TMCC1: variants seen among roughly 807,000 people sequenced by gnomAD.
The protein encoded by TMCC1 is transmembrane and coiled-coil domains protein 1.
Under a neutral mutation model 52.4 loss-of-function variants are expected in TMCC1, and 15 were observed. The ratio of observed to expected loss-of-function variants is 0.29; its 90% CI spans 0.19 to 0.44. The LOEUF (loss-of-function observed/expected upper bound fraction) is 0.44. Ranked by LOEUF, TMCC1 falls within the 20% of genes least tolerant of loss-of-function variation. The pLI is 1.00. For missense variants in TMCC1, 503 were observed against 806.0 expected (o/e 0.62, Z 4.55); for synonymous variants, 279 against 301.9 (o/e 0.92, Z 0.79).
At chr3:129,695,735 T>C (rs1424598436) in intron 4 of TMCC1, among the ~76,000 whole-genome samples, 2 of 152,210 alleles carry the variant, frequency 1.3e-5, no homozygotes, top group African/African-American at 2.4e-5. Context: ...AGCCAAATCA[T>C]ATCATTCTGC....
At chr3:129,814,860 A>G (rs1352054594) in intron 4 of TMCC1, among the ~76,000 whole-genome samples, 4 of 152,190 alleles carry the variant, frequency 2.6e-5, no homozygotes, top group Non-Finnish European at 5.9e-5. Flanking sequence ...TGTAACAATT[A>G]TAAGTATCTA....
At chr3:129,690,688 G>A (rs959465021) in intron 4 of TMCC1, among the ~76,000 whole-genome samples, 1 of 152,164 alleles carries the variant, frequency 6.6e-6, no homozygotes, top group Admixed American at 6.5e-5. Flanking sequence ...TGAAGCATAT[G>A]TTGAGACATG....
At chr3:129,753,701 A>T (rs1352231636) in intron 4 of TMCC1, among the ~76,000 whole-genome samples, 1 of 152,212 alleles carries the variant, frequency 6.6e-6, no homozygotes, top group Non-Finnish European at 1.5e-5. Context: ...ACTTCCTTAA[A>T]CTAACGAAGG....
At chr3:129,804,005 A>G (rs902339602) in intron 4 of TMCC1, among the ~76,000 whole-genome samples, 1 of 152,184 alleles carries the variant, frequency 6.6e-6, no homozygotes, top group African/African-American at 2.4e-5. Flanking sequence ...TGCAATGCCC[A>G]GAGCACGTTG....
rs150255907 is a variant in TMCC1 at position 129,764,733 on chromosome 3, T to TTGTGTGTGTGTG, written c.576+63058_576+63069dup. Among the ~76,000 whole-genome samples the TTGTGTGTGTGTG allele has an allele frequency of 1.0e-4, 6 of 58,068 alleles. 1 individual carries two copies. The highest frequency in any genetic ancestry group is 3.2e-4 in the Admixed American group (1 of 3,146). 38.1% of individuals were successfully genotyped at this position (58,068 alleles called of 152,430 possible). A position where few individuals can be genotyped will look rare whatever the true frequency, so the allele number is the denominator to read the frequency against. Reference sequence around the variant, plus strand: ...AATGGTTAAGCTACATCCTATAATATTGTGTGTGTGTGTGTGTGTGTGTGT... The same window carrying TTGTGTGTGTGTG: ...AATGGTTAAGCTACATCCTATAATATTGTGTGTGTGTGTGTGTGTGTGTGTGTGTGTGTGTGT... On this transcript the variant is annotated intron_variant, in intron 4 of 6. Transcript: ENST00000393238.
At chr3:129,744,111 A>C (rs1704339661) in intron 4 of TMCC1, among the ~76,000 whole-genome samples, 1 of 152,194 alleles carries the variant, frequency 6.6e-6, no homozygotes, top group Non-Finnish European at 1.5e-5. Flanking sequence ...AGTTAGATGC[A>C]AAATAGATGC....
chr3:129,680,555 T>A (rs2088878763), intron 4 of TMCC1, among the ~76,000 whole-genome samples: 2 of 152,188 alleles, frequency 1.3e-5, no homozygotes, highest in East Asian at 1.9e-4. Context: ...TCATAAGTCA[T>A]AACCACTACC....
At chr3:129,834,647 A>G (rs1442555278) in intron 2 of TMCC1, among the ~76,000 whole-genome samples, 1 of 152,186 alleles carries the variant, frequency 6.6e-6, no homozygotes, top group Non-Finnish European at 1.5e-5. Flanking sequence ...GAAATTAGGT[A>G]AGGAACTTAT....
At chr3:129,717,603 C>T (rs1197699850) in intron 4 of TMCC1, among the ~76,000 whole-genome samples, 1 of 152,212 alleles carries the variant, frequency 6.6e-6, no homozygotes, top group African/African-American at 2.4e-5. Flanking sequence ...GCATTTACAT[C>T]TCAGTTAATG....
chr3:129,801,734 C>T (rs2057209497), intron 4 of TMCC1, among the ~76,000 whole-genome samples: 1 of 152,194 alleles, frequency 6.6e-6, no homozygotes, highest in South Asian at 2.1e-4. Flanking sequence ...CGCGCCCGGC[C>T]CATGCCTGTT....
chr3:129,853,760 A>G (rs768292058), intron 2 of TMCC1, among the ~76,000 whole-genome samples: 1 of 152,150 alleles, frequency 6.6e-6, no homozygotes, highest in Non-Finnish European at 1.5e-5. Context: ...AGATTGATAC[A>G]TCTAAAACCT....
At chr3:129,749,070 G>A (rs1165893567) in intron 4 of TMCC1, among the ~76,000 whole-genome samples, 1 of 152,008 alleles carries the variant, frequency 6.6e-6, no homozygotes, top group East Asian at 1.9e-4. Context: ...CCAATGAGTT[G>A]TCAATAAGGA....
chr3:129,709,107 T>A (rs1364390816), intron 4 of TMCC1, among the ~76,000 whole-genome samples: 1 of 152,146 alleles, frequency 6.6e-6, no homozygotes, highest in Non-Finnish European at 1.5e-5. Flanking sequence ...CATATCTAAT[T>A]TTAAGATTAA....
chr3:129,696,010 T>A (rs1039724375), intron 4 of TMCC1, among the ~76,000 whole-genome samples: 1 of 152,196 alleles, frequency 6.6e-6, no homozygotes, highest in African/African-American at 2.4e-5. Flanking sequence ...CTCTGCCATA[T>A]TTTGAAATGG....
At chr3:129,866,606 A>C (rs1265058536) in intron 2 of TMCC1, among the ~76,000 whole-genome samples, 3 of 151,782 alleles carry the variant, frequency 2.0e-5, no homozygotes, top group Admixed American at 2.0e-4. Flanking sequence ...CGAACTCCCA[A>C]CCTCAGGTGA....
At chr3:129,865,515 A>C (rs552387476) in intron 2 of TMCC1, among the ~76,000 whole-genome samples, 1 of 152,308 alleles carries the variant, frequency 6.6e-6, no homozygotes, top group African/African-American at 2.4e-5. Context: ...GATGGCTATC[A>C]AAATAGCCCA....
chr3:129,843,373 A>G (rs2059513217), intron 2 of TMCC1, among the ~76,000 whole-genome samples: 1 of 152,134 alleles, frequency 6.6e-6, no homozygotes, highest in African/African-American at 2.4e-5. Context: ...AAAAATAATA[A>G]AAATTAGAGC....
At chr3:129,806,884 A>G (rs905642713) in intron 4 of TMCC1, among the ~76,000 whole-genome samples, 1 of 152,144 alleles carries the variant, frequency 6.6e-6, no homozygotes, top group African/African-American at 2.4e-5. Flanking sequence ...AAATTAGAAC[A>G]AAAGACAGAG....
chr3:129,798,187 G>A (rs1224435449), intron 4 of TMCC1, among the ~76,000 whole-genome samples: 1 of 151,598 alleles, frequency 6.6e-6, no homozygotes, highest in Non-Finnish European at 1.5e-5. Context: ...GTAGACATGG[G>A]GTTTCACCAT....
Sources: allele counts gnomAD v4.1 joint callset (sites outside exome capture counted in the v4.1 genomes callset), GRCh38; gene constraint gnomAD v4.1.1; transcripts MANE v1.5; gene names NCBI Gene and HGNC (gene_info 2026-07-23, HGNC 2026-07-21).